CCN4: variants seen among roughly 807,000 people sequenced by gnomAD.
CCN4 encodes the protein CCN family member 4.
In CCN4, 30 loss-of-function variants were observed where a neutral mutation model predicts 36.7. The ratio of observed to expected loss-of-function variants is 0.82; its 90% CI spans 0.61 to 1.11. CCN4 has a LOEUF of 1.11. Ranked by LOEUF, CCN4 falls within the 50% of genes least tolerant of loss-of-function variation. The probability of loss-of-function intolerance (pLI) is 0.00; values close to 1 mark genes in which losing one functional copy is unlikely to be tolerated. For synonymous variants in CCN4, 191 were observed against 195.4 expected, an observed-to-expected ratio of 0.98 and a Z score of 0.19; for missense variants, 505 against 504.9, an observed-to-expected ratio of 1.00 and a Z score of 0.00.
chr8:133,204,495 T>C (rs1853696900), intron 1 of CCN4, among the ~76,000 whole-genome samples: 1 of 152,170 alleles, frequency 6.6e-6, no homozygotes, highest in South Asian at 2.1e-4. Context: ...TTCCCAAGGG[T>C]TGCTGGTCAA....
chr8:133,227,545 C>G lies in CCN4; in HGVS notation c.939C>G (p.Tyr313Ter), dbSNP rs1207699275. 1 of 1,614,244 alleles carries G rather than the reference C, an allele frequency of 6.2e-7. No homozygotes were observed. Among genetic ancestry groups the G allele is most frequent in the African/African-American group, 1.3e-5 (1 of 75,058 alleles). ...TGGACAATAGGTGCTGCATCCCCTACAAGTCTAAGACTATCGACGTGTCCT... is the reference window on the plus strand; with the variant it reads ...TGGACAATAGGTGCTGCATCCCCTAGAAGTCTAAGACTATCGACGTGTCCT... ...VCMDNRCCIP[Y>*]KSKTIDVSFQ... Residue 313 changes from tyrosine to a stop codon, truncating the protein, a stop_gained, in exon 5 of 5, where the codon TAC (tyrosine) becomes TAG (stop). Coordinates refer to ENST00000250160, the MANE Select transcript of CCN4 (RefSeq NM_003882.4). LOFTEE classifies it high-confidence loss of function.
At chr8:133,192,898 G>A (rs1853167684) in intron 1 of CCN4, among the ~76,000 whole-genome samples, 1 of 152,252 alleles carries the variant, frequency 6.6e-6, no homozygotes, top group African/African-American at 2.4e-5. Flanking sequence ...AGCAGAGCGT[G>A]TGGAGGGACC....
intron 2 of CCN4, among the ~76,000 whole-genome samples, chr8:133,217,453 A>T (rs888413082): frequency 1.3e-5 from 2 of 152,214 alleles, no homozygotes; most frequent in Non-Finnish European, 2.9e-5. Flanking sequence ...CTGAGATTAG[A>T]TAGGAGGTAG....
chr8:133,210,386 GGTGTGTGTGTGTGTGTGTGT>G (rs71299053), intron 1 of CCN4, among the ~76,000 whole-genome samples: 1 of 145,588 alleles, frequency 6.9e-6, no homozygotes, highest in African/African-American at 2.6e-5. Flanking sequence ...CAAAAAGAGG[GGTGTGTGTGTGTGTGTGTGT>G]GTGTGTGTGT....
intron 1 of CCN4, among the ~76,000 whole-genome samples, chr8:133,206,588 C>T (rs1853781842): frequency 6.6e-6 from 1 of 152,054 alleles, no homozygotes; most frequent in South Asian, 2.1e-4. Flanking sequence ...TTGAAGGAGG[C>T]TGATGGTGTG....
At chr8:133,225,170 C>T (rs1442086285) in intron 3 of CCN4, among the ~76,000 whole-genome samples, 1 of 152,222 alleles carries the variant, frequency 6.6e-6, no homozygotes, top group African/African-American at 2.4e-5. Context: ...TGCTTCCACA[C>T]TGCCTCTCTT....
chr8:133,213,093 A>G lies in CCN4; in HGVS notation c.299A>G (p.Tyr100Cys). The G allele has an allele frequency of 6.2e-7, 1 of 1,614,012 alleles. No homozygotes were observed. Among genetic ancestry groups the G allele is most frequent in the South Asian group, 1.1e-5 (1 of 91,080 alleles). ...AAICDPHRGL[Y>C]CDYSGDRPRY... ...ATCTGTGACCCCCACCGGGGCCTCT[A>G]CTGTGACTACAGCGGGGACCGCCCG... The change falls in exon 2 of 5, where the codon TAC (tyrosine) becomes TGC (cysteine). Residue 100 changes from tyrosine to cysteine, a missense_variant. Physicochemically the swap from Tyr to Cys is radical, Grantham distance 194. Coordinates refer to ENST00000250160, the MANE Select transcript of CCN4 (RefSeq NM_003882.4).
At chr8:133,213,383 A>G (rs541596540) in intron 2 of CCN4, among the ~76,000 whole-genome samples, 1 of 152,264 alleles carries the variant, frequency 6.6e-6, no homozygotes, top group South Asian at 2.1e-4. Flanking sequence ...CTGGAGGCAC[A>G]TTCATGGCTG....
At chr8:133,209,696 T>C (rs1853922577) in intron 1 of CCN4, among the ~76,000 whole-genome samples, 1 of 152,208 alleles carries the variant, frequency 6.6e-6, no homozygotes, top group Non-Finnish European at 1.5e-5. Context: ...CCATTCCAGC[T>C]CAGCTCAAAG....
chr8:133,205,660 T>G (rs1853745418), intron 1 of CCN4, among the ~76,000 whole-genome samples: 2 of 152,092 alleles, frequency 1.3e-5, no homozygotes, highest in South Asian at 4.2e-4. Context: ...AGGAATAGCT[T>G]CCAATCCCCA....
Position 133,227,459 on chromosome 8 carries a change from T to A in CCN4, c.853T>A (p.Phe285Ile), listed in dbSNP as rs1354225461. 3.7e-6 allele frequency: 6 copies of A among 1,614,014 alleles called. No homozygotes were observed. The Admixed American group carries it at 1.0e-4, about 27-fold the overall frequency. Residue 285 changes from phenylalanine to isoleucine, a missense_variant, in exon 5 of 5, where the codon TTC (phenylalanine) becomes ATC (isoleucine). Transcript: ENST00000250160. Reference protein sequence around the residue: ...AVYQPEASMNFTLAGCISTRS... With the variant: ...AVYQPEASMNITLAGCISTRS... The stretch of plus-strand genomic sequence containing the variant: ...GTACCAGCCAGAGGCATCCATGAAC[T>A]TCACACTTGCGGGCTGCATCAGCAC...
chr8:133,211,998 T>G (rs922738416), intron 1 of CCN4, among the ~76,000 whole-genome samples: 3 of 152,190 alleles, frequency 2.0e-5, no homozygotes, highest in Non-Finnish European at 4.4e-5. Context: ...CATCTGCCGC[T>G]CCTCAGGCCT....
chr8:133,213,946 ATAG>A (rs368479235), intron 2 of CCN4, among the ~76,000 whole-genome samples: 4 of 116,384 alleles, frequency 3.4e-5, no homozygotes, highest in Non-Finnish European at 5.4e-5. Flanking sequence ...TACACTATAT[ATAG>A]TAGTTATATA....
At chr8:133,202,474 T>A (rs924745269) in intron 1 of CCN4, among the ~76,000 whole-genome samples, 11 of 152,122 alleles carry the variant, frequency 7.2e-5, no homozygotes, top group African/African-American at 2.7e-4. Flanking sequence ...AATGCATGAG[T>A]GAACACATGG....
chr8:133,214,829 C>G (rs1324440190), intron 2 of CCN4, among the ~76,000 whole-genome samples: 2 of 152,124 alleles, frequency 1.3e-5, no homozygotes, highest in African/African-American at 4.8e-5. Flanking sequence ...CCATATACAC[C>G]CCGTCACATA....
At position 133,220,620 on chromosome 8, in the gene CCN4, A is replaced by G. The variant is rs376351270; in HGVS notation, c.389A>G (p.Tyr130Cys). 6.2e-7 allele frequency: 1 copy of G among 1,614,186 alleles called. No homozygotes were observed. Among genetic ancestry groups the G allele is most frequent in the Admixed American group, 1.7e-5 (1 of 60,028 alleles). ...GVGCVLDGVR[Y>C]NNGQSFQPNC... ...GGCTGCGTCCTGGATGGGGTGCGCT[A>G]CAACAACGGCCAGTCCTTCCAGCCT... The change falls in exon 3 of 5, where the codon TAC becomes TGC. Residue 130 changes from tyrosine (Y) to cysteine (C), a missense_variant. Transcript: ENST00000250160.
At position 133,220,800 on chromosome 8, in the gene CCN4, A is replaced by G. The variant is rs1854497038; in HGVS notation, c.569A>G (p.Lys190Arg). The change falls in exon 3 of 5, where the codon AAG (lysine) becomes AGG (arginine). Residue 190 changes from lysine to arginine, a missense_variant. Physicochemically the swap from Lys to Arg is conservative, Grantham distance 26. Transcript: ENST00000250160. ...CEQWVCEDDAKRPRKTAPRDT... is the reference protein window; with the variant it reads ...CEQWVCEDDARRPRKTAPRDT... ...CAGTGGGTATGTGAGGACGACGCCA[A>G]GAGGCCACGCAAGACCGCACCCCGT... is the stretch of plus-strand genomic sequence containing the variant. 6.2e-7 allele frequency: 1 copy of G among 1,610,460 alleles called. No individual in the cohort carries two copies. Among genetic ancestry groups the G allele is most frequent in the Non-Finnish European group, 8.5e-7 (1 of 1,178,498 alleles).
At chr8:133,224,203 T>G (rs1288587128) in intron 3 of CCN4, among the ~76,000 whole-genome samples, 1 of 142,694 alleles carries the variant, frequency 7.0e-6, no homozygotes, top group Middle Eastern at 3.9e-3. Flanking sequence ...TGAACCCTGG[T>G]GATTTGAATT....
At chr8:133,205,497 G>A (rs187654805) in intron 1 of CCN4, among the ~76,000 whole-genome samples, 4 of 152,266 alleles carry the variant, frequency 2.6e-5, no homozygotes, top group African/African-American at 9.6e-5. Context: ...ATATGACAGT[G>A]TGTTTGCAAA....
Sources: gnomAD v4.1 joint callset for allele counts (sites outside exome capture counted in the v4.1 genomes callset) on GRCh38, gnomAD v4.1.1 for gene constraint, MANE v1.5 for transcripts, NCBI Gene and HGNC (gene_info 2026-07-23, HGNC 2026-07-21) for gene names.